Variants in DPY19L1 observed in about 807,000 individuals in gnomAD.
DPY19L1 encodes protein C-mannosyl-transferase DPY19L1.
A neutral mutation model predicts 96.9 loss-of-function variants in DPY19L1; 35 were observed. That is an observed-to-expected ratio of 0.36 (90% CI 0.28 to 0.48). The LOEUF is 0.48. Ranked by LOEUF, DPY19L1 falls within the 20% of genes least tolerant of loss-of-function variation. The probability of loss-of-function intolerance (pLI) is 0.99; values close to 1 mark genes in which losing one functional copy is unlikely to be tolerated. For missense variants in DPY19L1, 521 were observed against 777.9 expected (o/e 0.67, Z 3.93); for synonymous variants, 205 against 252.6 (o/e 0.81, Z 1.79).
At chr7:35,002,428 T>TG (rs1022320828) in intron 6 of DPY19L1, among the ~76,000 whole-genome samples, 5 of 150,762 alleles carry the variant, frequency 3.3e-5, no homozygotes, top group Admixed American at 6.6e-5. Flanking sequence ...AGCTTAAAAA[T>TG]GGGGGGAAAA....
chr7:35,015,719 G>A (rs1374328311), intron 3 of DPY19L1, among the ~76,000 whole-genome samples: 1 of 152,184 alleles, frequency 6.6e-6, no homozygotes, highest in Non-Finnish European at 1.5e-5. Flanking sequence ...TCTGCCTGTG[G>A]AGCAGCCACC....
chr7:35,002,188 A>T (rs1438516715), intron 6 of DPY19L1, among the ~76,000 whole-genome samples: 3 of 151,918 alleles, frequency 2.0e-5, no homozygotes, highest in South Asian at 2.1e-4. Flanking sequence ...CACAAGCTAG[A>T]AGATGCCAAG....
chr7:34,986,473 C>A (rs956132975), intron 7 of DPY19L1, among the ~76,000 whole-genome samples: 3 of 151,908 alleles, frequency 2.0e-5, no homozygotes, highest in African/African-American at 7.2e-5. Context: ...TAAATAAAAT[C>A]ATCTCCCTGC....
chr7:34,992,502 G>A (rs1410328660), intron 6 of DPY19L1, among the ~76,000 whole-genome samples: 2 of 150,164 alleles, frequency 1.3e-5, no homozygotes, highest in Non-Finnish European at 3.0e-5. Flanking sequence ...TCAGTACAAT[G>A]ACTAGAGAAT....
chr7:35,022,999 C>T (rs902451637), intron 1 of DPY19L1, among the ~76,000 whole-genome samples: 6 of 152,176 alleles, frequency 3.9e-5, no homozygotes, highest in Non-Finnish European at 7.3e-5. Context: ...CATTTCCTTC[C>T]TGCCCCAGCT....
chr7:34,996,234 G>A (rs1240927977), intron 6 of DPY19L1, among the ~76,000 whole-genome samples: 1 of 152,092 alleles, frequency 6.6e-6, no homozygotes, highest in Non-Finnish European at 1.5e-5. Flanking sequence ...TTTTTTGAAA[G>A]CTTGCAGCCA....
intron 16 of DPY19L1, among the ~76,000 whole-genome samples, chr7:34,945,384 T>C (rs1784122854): frequency 6.6e-6 from 1 of 152,214 alleles, no homozygotes; most frequent in Non-Finnish European, 1.5e-5. Flanking sequence ...ATAATTTACT[T>C]TCCCTGCTGA....
chr7:34,942,085 G>A (rs1784032532), intron 17 of DPY19L1, among the ~76,000 whole-genome samples: 1 of 152,174 alleles, frequency 6.6e-6, no homozygotes, highest in Admixed American at 6.5e-5. Context: ...AAGTCATTAA[G>A]GCAAGTGTTT....
At chr7:34,936,980 ATAT>A (rs938040658) in intron 21 of DPY19L1, among the ~76,000 whole-genome samples, 1 of 152,260 alleles carries the variant, frequency 6.6e-6, no homozygotes, top group Admixed American at 6.5e-5. Flanking sequence ...AATTTAAAAA[ATAT>A]TATTATTCCA....
At chr7:34,985,981 A>G (rs1217114298) in intron 7 of DPY19L1, among the ~76,000 whole-genome samples, 1 of 152,076 alleles carries the variant, frequency 6.6e-6, no homozygotes, top group East Asian at 1.9e-4. Flanking sequence ...CCTTAAAAAA[A>G]GAAGGAAATT....
chr7:34,979,165 G>A (rs1387309500), intron 7 of DPY19L1, among the ~76,000 whole-genome samples: 2 of 152,092 alleles, frequency 1.3e-5, no homozygotes, highest in Non-Finnish European at 2.9e-5. Context: ...TGAAAAAGCG[G>A]TGAGTACACC....
chr7:34,976,352 A>T (rs1395648207), intron 7 of DPY19L1, among the ~76,000 whole-genome samples: 2 of 152,210 alleles, frequency 1.3e-5, no homozygotes, highest in African/African-American at 4.8e-5. Flanking sequence ...GAGCCTGAAG[A>T]TGTGACTGAA....
rs146091527 is a variant in DPY19L1, at chr7:34,937,821, T to G, written c.2090+173A>C. Among the ~76,000 whole-genome samples the G allele has an allele frequency of 8.1e-3, 1,235 of 152,042 alleles. 19 individuals are homozygous for G. Among genetic ancestry groups the G allele is most frequent in the African/African-American group, 0.029 (1,182 of 41,472 alleles). On this transcript the variant is annotated intron_variant, in intron 21 of 21. Coordinates refer to ENST00000638088, the MANE Select transcript of DPY19L1 (RefSeq NM_001366673.1). ...TTGCAGTGAGCCCAGATCATGCCAG[T>G]GCACTCCAGCCTGGGCAACAGAGTG...
At chr7:34,951,035 C>A (rs1784256880) in intron 13 of DPY19L1, among the ~76,000 whole-genome samples, 1 of 151,820 alleles carries the variant, frequency 6.6e-6, no homozygotes, top group Non-Finnish European at 1.5e-5. Flanking sequence ...TAATGTCTCA[C>A]AAAACTGAAT....
intron 6 of DPY19L1, among the ~76,000 whole-genome samples, chr7:34,996,634 A>G (rs551707007): frequency 2.0e-5 from 3 of 151,820 alleles, no homozygotes; most frequent in Admixed American, 1.3e-4. Flanking sequence ...TGCTCCCTCT[A>G]CACTGCAGAG....
At chr7:34,936,410 G>A (rs550186267) in intron 21 of DPY19L1, among the ~76,000 whole-genome samples, 3 of 152,168 alleles carry the variant, frequency 2.0e-5, no homozygotes, top group Non-Finnish European at 4.4e-5. Flanking sequence ...TTGTTAGCTT[G>A]GAGAAAAAAG....
chr7:35,005,794 G>C (rs1230443478), intron 6 of DPY19L1, among the ~76,000 whole-genome samples: 1 of 148,100 alleles, frequency 6.8e-6, no homozygotes, highest in Non-Finnish European at 1.5e-5. Context: ...CTGGGCAACA[G>C]AGTGAGATTT....
In DPY19L1 at chr7:35,018,606, A is replaced by ATT. The variant is rs1184093748; in HGVS notation, c.299-11_299-10insAA. On this transcript the variant is annotated splice_polypyrimidine_tract_variant and intron_variant, in intron 1 of 21. Transcript: ENST00000638088. ...ACTGCTGCAAAAACAGCTGTAAGAAAAAAGAAATTTAAATTAGAATTTTAG... is the reference window on the plus strand; with the variant it reads ...ACTGCTGCAAAAACAGCTGTAAGAAATTAAAGAAATTTAAATTAGAATTTTAG... 1.4e-5 allele frequency: 22 copies of ATT among 1,607,434 alleles called. No homozygotes were observed.
intron 20 of DPY19L1, among the ~76,000 whole-genome samples, 191 bp from the exon 21 acceptor site, chr7:34,938,310 G>A (rs929903621): frequency 6.6e-6 from 1 of 152,178 alleles, no homozygotes; most frequent in African/African-American, 2.4e-5. Context: ...GACAAGTTGT[G>A]GAGAAGAGGG....
Sources: gnomAD v4.1 joint callset for allele counts (sites outside exome capture counted in the v4.1 genomes callset) on GRCh38, gnomAD v4.1.1 for gene constraint, MANE v1.5 for transcripts, NCBI Gene and HGNC (gene_info 2026-07-23, HGNC 2026-07-21) for gene names.